PTPN13: variants seen among roughly 807,000 people sequenced by gnomAD.
The protein encoded by PTPN13 is tyrosine-protein phosphatase non-receptor type 13.
Under a neutral mutation model 284.0 loss-of-function variants are expected in PTPN13, and 191 were observed. The ratio of observed to expected loss-of-function variants is 0.67; its 90% confidence interval spans 0.60 to 0.76. The LOEUF is 0.76. Ranked by LOEUF, PTPN13 falls within the 30% of genes least tolerant of loss-of-function variation. The probability of loss-of-function intolerance (pLI) is 0.00; values close to 1 mark genes in which losing one functional copy is unlikely to be tolerated. For missense variants in PTPN13, 2,797 were observed against 2,939.9 expected (o/e 0.95, Z 1.12); for synonymous variants, 986 against 1,022.3 (o/e 0.96, Z 0.68).
intron 1 of PTPN13, among the ~76,000 whole-genome samples, chr4:86,600,115 G>A (rs1476541742): frequency 6.6e-6 from 1 of 152,028 alleles, no homozygotes; most frequent in East Asian, 1.9e-4. Context: ...GCATAAAGGT[G>A]TGAGAGAAAA....
At chr4:86,631,023 A>T (rs1266742059) in intron 1 of PTPN13, among the ~76,000 whole-genome samples, 1 of 152,198 alleles carries the variant, frequency 6.6e-6, no homozygotes, top group East Asian at 1.9e-4. Context: ...CTTATTTGAA[A>T]TTTTTTTCCA....
chr4:86,735,548 C>G, intron 14 of PTPN13, 46 bp from the exon 15 acceptor site: 1 of 1,590,410 alleles, frequency 6.3e-7, no homozygotes, highest in Non-Finnish European at 8.5e-7. Flanking sequence ...AGGGTTTACT[C>G]CAATAAAAGG....
At chr4:86,732,864 G>A in intron 12 of PTPN13, 98 bp downstream of exon 12, 1 of 996,950 alleles carries the variant, frequency 1.0e-6, no homozygotes, top group Non-Finnish European at 1.4e-6. Flanking sequence ...TTGACAATTA[G>A]TAACTAAATG....
rs767729085 is a variant in PTPN13, at chr4:86,687,687, TAAATATA to T, written c.360+915_360+921del. On this transcript the variant is annotated intron_variant, in intron 4 of 47. Coordinates refer to ENST00000411767, the MANE Select transcript of PTPN13 (RefSeq NM_080683.3). ...CTTTTTCTCTTCAGTTTCAATTCTG[TAAATATA>T]AATGAGAAAGTTAAAATATTACTGG... Among the ~76,000 whole-genome samples the T allele has an allele frequency of 1.7e-3, 255 of 152,238 alleles. 2 individuals are homozygous for T. Among genetic ancestry groups the T allele is most frequent in the East Asian group, 1.9e-3 (10 of 5,188 alleles).
At chr4:86,725,647 C>T (rs367666380) in intron 10 of PTPN13, among the ~76,000 whole-genome samples, 1 of 149,652 alleles carries the variant, frequency 6.7e-6, no homozygotes, top group African/African-American at 2.4e-5. Flanking sequence ...TATCCTTTGC[C>T]TGTTTTTCAG....
chr4:86,642,357 C>A (rs1490067219), intron 2 of PTPN13, among the ~76,000 whole-genome samples: 1 of 150,284 alleles, frequency 6.7e-6, no homozygotes, highest in East Asian at 1.9e-4. Flanking sequence ...AATAAAAGTT[C>A]TGGGAAATTT....
At chr4:86,765,516 A>G in intron 26 of PTPN13, 28 bp downstream of exon 26, 2 of 1,402,848 alleles carry the variant, frequency 1.4e-6, no homozygotes, top group Non-Finnish European at 2.0e-6. Context: ...TGTGGGAATT[A>G]TATGTATGAA....
chr4:86,761,571 A>G (rs532193346), intron 23 of PTPN13, among the ~76,000 whole-genome samples: 22 of 152,276 alleles, frequency 1.4e-4, no homozygotes, highest in Non-Finnish European at 2.5e-4. Context: ...TCCTCATACC[A>G]TCAGTGGTGC....
At chr4:86,775,373 A>G (rs770666135) in intron 34 of PTPN13, 31 bp downstream of exon 34, 15 of 1,604,538 alleles carry the variant, frequency 9.3e-6, no homozygotes, top group African/African-American at 1.3e-5. Context: ...GTACAATATG[A>G]TTTTCTTGGT....
chr4:86,610,443 T>A (rs1765162972), intron 1 of PTPN13, among the ~76,000 whole-genome samples: 1 of 152,202 alleles, frequency 6.6e-6, no homozygotes, highest in Non-Finnish European at 1.5e-5. Flanking sequence ...AATATTATTA[T>A]ACATAGCCTA....
intron 36 of PTPN13, among the ~76,000 whole-genome samples, chr4:86,781,317 T>C (rs1008100183): frequency 2.0e-5 from 3 of 152,184 alleles, no homozygotes; most frequent in Non-Finnish European, 4.4e-5. Context: ...TCTCAGTCTC[T>C]TGAAAATATA....
chr4:86,747,540 A>AGCAGCG lies in PTPN13; in HGVS notation c.2650+2417_2650+2418insGGCAGC, dbSNP rs1437111947. ...ATGTAATAGCGGTAATAGTAGCAGC[A>AGCAGCG]GCAGCAGCGGCAGCAGCAGCAGCAG... On this transcript the variant is annotated intron_variant, in intron 17 of 47. Coordinates refer to ENST00000411767, the MANE Select transcript of PTPN13 (RefSeq NM_080683.3). Among the ~76,000 whole-genome samples the AGCAGCG allele has an allele frequency of 1.4e-3, 207 of 145,066 alleles. 2 individuals carry two copies. The highest frequency in any genetic ancestry group is 5.1e-3 in the African/African-American group (199 of 38,642).
intron 33 of PTPN13, 92 bp downstream of exon 33, chr4:86,774,623 A>G: frequency 6.5e-6 from 8 of 1,221,976 alleles, no homozygotes; most frequent in Non-Finnish European, 8.7e-6. Flanking sequence ...TACTGTATTT[A>G]TCTATTCGGT....
rs1578504010 is a variant in PTPN13, at chr4:86,725,175, C to T, written c.1608+2741C>T. Among the ~76,000 whole-genome samples, 5 of 151,314 alleles carry T rather than the reference C, an allele frequency of 3.3e-5. No individual in the cohort carries two copies. In the South Asian group the frequency reaches 1.0e-3, roughly 32 times the overall value. On this transcript the variant is annotated intron_variant, in intron 10 of 47. Coordinates refer to ENST00000411767, the MANE Select transcript of PTPN13 (RefSeq NM_080683.3). ...TCCTGTTTTATGGCTGCATAGTATT[C>T]CATGGTGTATATGTGCCACATTTTC...
chr4:86,676,661 A>G (rs1728305591), intron 3 of PTPN13, among the ~76,000 whole-genome samples: 1 of 152,244 alleles, frequency 6.6e-6, no homozygotes, highest in Non-Finnish European at 1.5e-5. Flanking sequence ...GAATATACAT[A>G]CAATGAATAT....
intron 2 of PTPN13, among the ~76,000 whole-genome samples, chr4:86,657,613 A>G (rs1578354490): frequency 6.6e-6 from 1 of 152,154 alleles, no homozygotes; most frequent in Non-Finnish European, 1.5e-5. Flanking sequence ...ACAGTACTGG[A>G]GTTCACCAGT....
chr4:86,624,571 G>T (rs1262022239), intron 1 of PTPN13, among the ~76,000 whole-genome samples: 4 of 152,154 alleles, frequency 2.6e-5, no homozygotes, highest in African/African-American at 9.7e-5. Flanking sequence ...TCAACTAGCT[G>T]ACCTCTGAGT....
At position 86,774,417 on chromosome 4, in the gene PTPN13, C is replaced by T. The variant is rs1214883859; in HGVS notation, c.5394C>T (p.Ser1798=). 6.2e-7 allele frequency: 1 copy of T among 1,606,698 alleles called. No individual in the cohort carries two copies. The highest frequency in any genetic ancestry group is 1.1e-5 in the South Asian group (1 of 89,162). Residue 1798 remains serine (S), a synonymous_variant, in exon 33 of 48, where the codon AGC becomes AGT. Coordinates refer to ENST00000411767, the MANE Select transcript of PTPN13 (RefSeq NM_080683.3). The part of the protein sequence containing the change: ...LITLIKSEKG[S]LGFTVTKGNQ... ...CCCTAATTAAATCAGAAAAAGGAAG[C>T]CTGGGTTTTACAGTAACCAAAGGCA...
intron 42 of PTPN13, 48 bp from the exon 43 acceptor site, chr4:86,803,643 GAAATTAGTTCACTTAGTT>G (rs1255579846): frequency 3.5e-5 from 53 of 1,514,030 alleles, no homozygotes; most frequent in Middle Eastern, 1.7e-4. Flanking sequence ...AACATAGGCT[GAAATTAGTTCACTTAGTT>G]AAATTGGTTC....
Sources: allele counts gnomAD v4.1 joint callset (sites outside exome capture counted in the v4.1 genomes callset), GRCh38; gene constraint gnomAD v4.1.1; transcripts MANE v1.5; gene names NCBI Gene and HGNC (gene_info 2026-07-23, HGNC 2026-07-21).